FRMD4B: variants seen among roughly 807,000 people sequenced by gnomAD.
The protein encoded by FRMD4B is FERM domain-containing protein 4B.
A neutral mutation model predicts 141.5 loss-of-function variants in FRMD4B; 74 were observed. The ratio of observed to expected loss-of-function variants is 0.52; its 90% confidence interval spans 0.43 to 0.63. The LOEUF (loss-of-function observed/expected upper bound fraction) is 0.63. FRMD4B is among the 30% of genes least tolerant of loss of function. FRMD4B has a pLI of 0.00. For missense variants in FRMD4B, 1,366 were observed against 1,253.4 expected, an observed-to-expected ratio of 1.09 and a Z score of -1.36; for synonymous variants, 506 against 467.9, an observed-to-expected ratio of 1.08 and a Z score of -1.05.
chr3:69,339,239 A>C (rs1702655931), intron 1 of FRMD4B, among the ~76,000 whole-genome samples: 1 of 152,074 alleles, frequency 6.6e-6, no homozygotes, highest in Non-Finnish European at 1.5e-5. Flanking sequence ...CGAGTTTTAT[A>C]ATCAGTTCTA....
rs2092706791 is a variant in FRMD4B, at chr3:69,181,434, A to G, written c.2316T>C (p.Ser772=). Residue 772 remains serine, a synonymous_variant, in exon 21 of 23, where the codon TCT becomes TCC. Transcript: ENST00000398540. ...TGGGCATGCTTCCTGAATTTGAAGT[A>G]GAAACATTCTGTTTCTTTGACCTCC... ...GRRRSKKQNV[S]TSNSGSMPNL... 1 of 1,614,002 alleles carries G rather than the reference A, an allele frequency of 6.2e-7. No individual in the cohort carries two copies. Among genetic ancestry groups the G allele is most frequent in the Non-Finnish European group, 8.5e-7 (1 of 1,179,888 alleles).
intron 1 of FRMD4B, among the ~76,000 whole-genome samples, chr3:69,506,752 C>G (rs1401004310): frequency 6.6e-6 from 1 of 151,962 alleles, no homozygotes; most frequent in African/African-American, 2.4e-5. Flanking sequence ...CTATGTTGCC[C>G]AGGCTGATCC....
rs561863499 is a variant in FRMD4B at position 69,263,070 on chromosome 3, C to T, written c.502-12971G>A. Among the ~76,000 whole-genome samples, 6 of 152,006 alleles carry T rather than the reference C, an allele frequency of 3.9e-5. No homozygotes were observed. In the East Asian group the frequency reaches 1.2e-3, roughly 30 times the overall value. On this transcript the variant is annotated intron_variant, in intron 5 of 22. Coordinates refer to ENST00000398540, the MANE Select transcript of FRMD4B (RefSeq NM_015123.3). Reference sequence around the variant, plus strand: ...GGTCGGGAGTTCGAGACCGGCCTGACCAATATGGTGAAACCCCGTCTCTAC... The same window carrying T: ...GGTCGGGAGTTCGAGACCGGCCTGATCAATATGGTGAAACCCCGTCTCTAC...
chr3:69,263,295 G>A (rs1202748733), intron 5 of FRMD4B, among the ~76,000 whole-genome samples: 1 of 151,480 alleles, frequency 6.6e-6, no homozygotes, highest in African/African-American at 2.4e-5. Context: ...GCAAATGGTA[G>A]CAGACAGAAT....
At chr3:69,397,233 A>G (rs1350448751) in intron 2 of FRMD4B, among the ~76,000 whole-genome samples, 1 of 152,228 alleles carries the variant, frequency 6.6e-6, no homozygotes, top group African/African-American at 2.4e-5. Context: ...TACTGAAAAC[A>G]TAATGTCAAG....
intron 1 of FRMD4B, among the ~76,000 whole-genome samples, chr3:69,518,646 C>G (rs772004865): frequency 2.6e-5 from 4 of 152,186 alleles, no homozygotes; most frequent in Non-Finnish European, 1.5e-5. Flanking sequence ...CCACAGCTGG[C>G]TGGAGCAAAG....
intron 4 of FRMD4B, among the ~76,000 whole-genome samples, chr3:69,300,139 C>T (rs1268479842): frequency 6.6e-6 from 1 of 152,180 alleles, no homozygotes; most frequent in Non-Finnish European, 1.5e-5. Flanking sequence ...AAGACAACCC[C>T]ATTTGCAAGA....
At chr3:69,380,261 C>A (rs116253662) in intron 1 of FRMD4B, among the ~76,000 whole-genome samples, 1 of 152,160 alleles carries the variant, frequency 6.6e-6, no homozygotes, top group South Asian at 2.1e-4. Flanking sequence ...ACCCCACACA[C>A]GCTGCTGTGG....
intron 1 of FRMD4B, among the ~76,000 whole-genome samples, chr3:69,509,507 G>C (rs1706654966): frequency 6.6e-6 from 1 of 152,062 alleles, no homozygotes; most frequent in Non-Finnish European, 1.5e-5. Context: ...AGTAAATCTT[G>C]ACTATCAGGG....
intron 1 of FRMD4B, among the ~76,000 whole-genome samples, chr3:69,481,429 T>C (rs1211400690): frequency 1.3e-5 from 2 of 152,186 alleles, no homozygotes; most frequent in Non-Finnish European, 2.9e-5. Flanking sequence ...TAATGATCAT[T>C]TGTTACCTAT....
At chr3:69,198,357 C>A in intron 12 of FRMD4B, 1 of 214,620 alleles carries the variant, frequency 4.7e-6, no homozygotes, top group Non-Finnish European at 9.2e-6. Context: ...GAGGGAAGTG[C>A]AAATCAAAAC....
chr3:69,457,027 TAC>T (rs1248330916), intron 1 of FRMD4B, among the ~76,000 whole-genome samples: 4 of 152,064 alleles, frequency 2.6e-5, no homozygotes, highest in South Asian at 2.1e-4. Context: ...CTAATTCACA[TAC>T]ACACACACAA....
chr3:69,486,886 C>T (rs1326809355), intron 1 of FRMD4B, among the ~76,000 whole-genome samples: 2 of 152,160 alleles, frequency 1.3e-5, no homozygotes, highest in Non-Finnish European at 2.9e-5. Flanking sequence ...TGCAACTCTC[C>T]AGAAAGATGC....
chr3:69,331,250 G>C (rs1052330933), intron 1 of FRMD4B, among the ~76,000 whole-genome samples: 2 of 152,190 alleles, frequency 1.3e-5, no homozygotes, highest in African/African-American at 4.8e-5. Context: ...TCATTGAGGA[G>C]TCCTTAAATT....
intron 2 of FRMD4B, among the ~76,000 whole-genome samples, chr3:69,407,966 G>T (rs1004831043): frequency 1.3e-5 from 2 of 152,124 alleles, no homozygotes; most frequent in East Asian, 3.9e-4. Flanking sequence ...CGTCTGTGGC[G>T]TTTACTGACC....
At chr3:69,297,371 C>T (rs1575704099) in intron 4 of FRMD4B, among the ~76,000 whole-genome samples, 2 of 152,068 alleles carry the variant, frequency 1.3e-5, no homozygotes, top group Admixed American at 1.3e-4. Context: ...CTGAGTGTGG[C>T]AGACAATGCT....
chr3:69,359,902 G>A (rs1388783137), intron 1 of FRMD4B, among the ~76,000 whole-genome samples: 8 of 152,210 alleles, frequency 5.3e-5, no homozygotes, highest in Non-Finnish European at 1.0e-4. Context: ...GGAAACTGAA[G>A]CACGGAGATG....
intron 1 of FRMD4B, among the ~76,000 whole-genome samples, chr3:69,516,631 T>C (rs961487962): frequency 5.9e-5 from 9 of 152,210 alleles, no homozygotes; most frequent in Non-Finnish European, 1.2e-4. Flanking sequence ...TGCAATAAAT[T>C]TGCGCTTGTA....
intron 3 of FRMD4B, 151 bp downstream of exon 3, chr3:69,311,112 T>C: frequency 2.0e-6 from 1 of 498,414 alleles, no homozygotes; most frequent in Non-Finnish European, 3.7e-6. Flanking sequence ...GCCATAATCC[T>C]AGGAGAAAAA....
Sources: gnomAD v4.1 joint callset for allele counts (sites outside exome capture counted in the v4.1 genomes callset) on GRCh38, gnomAD v4.1.1 for gene constraint, MANE v1.5 for transcripts, NCBI Gene and HGNC (gene_info 2026-07-23, HGNC 2026-07-21) for gene names.